LIPA: variants seen among roughly 807,000 people sequenced by gnomAD.
LIPA encodes the protein lipase A, lysosomal acid type, also known as lysosomal acid lipase/cholesteryl ester hydrolase.
Under a neutral mutation model 40.6 loss-of-function variants are expected in LIPA, and 26 were observed. The observed-to-expected ratio is 0.64, with a 90% CI of 0.47 to 0.89. LIPA has a LOEUF of 0.89. Ranked by LOEUF, LIPA falls within the 40% of genes least tolerant of loss-of-function variation. The probability of loss-of-function intolerance (pLI) is 0.00; values close to 1 mark genes in which losing one functional copy is unlikely to be tolerated. For missense variants in LIPA, 455 were observed against 479.6 expected, an observed-to-expected ratio of 0.95 and a Z score of 0.48; for synonymous variants, 188 against 168.4, an observed-to-expected ratio of 1.12 and a Z score of -0.90.
intron 1 of LIPA, among the ~76,000 whole-genome samples, chr10:89,289,796 C>CTTTACT (rs1214563688): frequency 4.6e-5 from 7 of 152,302 alleles, no homozygotes; most frequent in Admixed American, 1.3e-4. Context: ...AAGTCCTATT[C>CTTTACT]TTTACTTTTA....
chr10:89,387,714 T>C (rs1257943003), intron 2 of LIPA, among the ~76,000 whole-genome samples: 2 of 152,184 alleles, frequency 1.3e-5, no homozygotes, highest in African/African-American at 4.8e-5. Flanking sequence ...AGCTAAATGT[T>C]TTATCAATTA....
chr10:89,330,743 C>T (rs1020130715), intron 1 of LIPA, among the ~76,000 whole-genome samples: 1 of 92,592 alleles, frequency 1.1e-5, no homozygotes, highest in Non-Finnish European at 1.9e-5. Context: ...GGTTTTCTTC[C>T]CTTCACTCAA....
chr10:89,293,534 G>A (rs1311182292), intron 1 of LIPA: 1 of 152,056 alleles, frequency 6.6e-6, no homozygotes, highest in Non-Finnish European at 1.5e-5. Context: ...AAAAATCACA[G>A]ACTAGGTGGC....
At chr10:89,249,868 G>A (rs1356375371) in intron 1 of LIPA, among the ~76,000 whole-genome samples, 1 of 152,130 alleles carries the variant, frequency 6.6e-6, no homozygotes, top group East Asian at 1.9e-4. Context: ...TTGTACAATT[G>A]AAATATGCCA....
chr10:89,310,944 T>C (rs1888922), intron 1 of LIPA, among the ~76,000 whole-genome samples: 17,764 of 152,228 alleles, frequency 0.12, 1,413 homozygotes, highest in Middle Eastern at 0.18. Flanking sequence ...TAAAAATATA[T>C]AGTAAATTCT....
intron 1 of LIPA, among the ~76,000 whole-genome samples, chr10:89,287,854 G>A (rs1242820140): frequency 6.6e-6 from 1 of 152,090 alleles, no homozygotes; most frequent in African/African-American, 2.4e-5. Context: ...CAACCAAATT[G>A]TTTTGCCTAT....
At chr10:89,392,541 A>T in intron 2 of LIPA, 2 of 318,750 alleles carry the variant, frequency 6.3e-6, no homozygotes. Flanking sequence ...CTAGGTTTCC[A>T]ACTTGCAAGG....
At chr10:89,287,070 G>T (rs145346637) in intron 1 of LIPA, among the ~76,000 whole-genome samples, 4,988 of 152,282 alleles carry the variant, frequency 0.033, 308 homozygotes, top group African/African-American at 0.11. Flanking sequence ...AAATCAGACT[G>T]TCCAGCTCAC....
chr10:89,226,347 T>C (rs1026436190), intron 5 of LIPA, among the ~76,000 whole-genome samples: 1 of 152,236 alleles, frequency 6.6e-6, no homozygotes, highest in Non-Finnish European at 1.5e-5. Flanking sequence ...AAATAAATTA[T>C]AGGACAGGTT....
intron 2 of LIPA, among the ~76,000 whole-genome samples, chr10:89,412,468 T>C (rs1043941096): frequency 2.0e-5 from 3 of 152,094 alleles, no homozygotes; most frequent in Non-Finnish European, 4.4e-5. Flanking sequence ...ATCAGCAGGA[T>C]ATGGGTGGAG....
At chr10:89,394,624 AT>A in intron 2 of LIPA, among the ~76,000 whole-genome samples, 1 of 25,262 alleles carries the variant, frequency 4.0e-5, no homozygotes, top group Non-Finnish European at 6.2e-5. Context: ...ATATATATAT[AT>A]ATAAAACTTG....
intron 1 of LIPA, among the ~76,000 whole-genome samples, chr10:89,274,295 C>T (rs183057545): frequency 6.6e-6 from 1 of 152,190 alleles, no homozygotes; most frequent in African/African-American, 2.4e-5. Flanking sequence ...AGGAAACTCA[C>T]CTTTTAATGT....
intron 2 of LIPA, among the ~76,000 whole-genome samples, chr10:89,370,135 T>C (rs1844083692): frequency 6.6e-6 from 1 of 152,222 alleles, no homozygotes; most frequent in Non-Finnish European, 1.5e-5. Flanking sequence ...AAAACTCAGT[T>C]CTTCAGATGC....
intron 2 of LIPA, among the ~76,000 whole-genome samples, chr10:89,396,400 A>AGGGCTTTGGTGC (rs1844343332): frequency 6.6e-6 from 1 of 152,218 alleles, no homozygotes; most frequent in Admixed American, 6.5e-5. Flanking sequence ...GCTTCTGGTG[A>AGGGCTTTGGTGC]GGGCTTTGGT....
chr10:89,336,844 G>A (rs12250332), intron 1 of LIPA, among the ~76,000 whole-genome samples: 45 of 152,272 alleles, frequency 3.0e-4, no homozygotes, highest in African/African-American at 6.7e-4. Flanking sequence ...TTATGGTGCC[G>A]TGACTCCACT....
intron 1 of LIPA, among the ~76,000 whole-genome samples, chr10:89,292,737 C>T (rs1192996264): frequency 6.6e-6 from 1 of 152,078 alleles, no homozygotes; most frequent in Non-Finnish European, 1.5e-5. Context: ...TGGTTCACTG[C>T]AGCCTCAAAC....
At chr10:89,402,900 G>C in intron 2 of LIPA, 2 of 1,614,182 alleles carry the variant, frequency 1.2e-6, no homozygotes, top group Non-Finnish European at 1.7e-6. Flanking sequence ...CCTAAGGCAG[G>C]CTGTCCGCTT....
chr10:89,381,960 G>A (rs1007698684), intron 2 of LIPA, among the ~76,000 whole-genome samples: 6 of 151,966 alleles, frequency 3.9e-5, no homozygotes, highest in Middle Eastern at 3.4e-3. Flanking sequence ...AGTAGAGATG[G>A]GGTTTCACCA....
At chr10:89,313,048 A>G (rs529738175) in intron 1 of LIPA, among the ~76,000 whole-genome samples, 2 of 152,300 alleles carry the variant, frequency 1.3e-5, no homozygotes, top group South Asian at 4.2e-4. Context: ...ACTGTCTTAC[A>G]TGTTATTACC....
Sources: gnomAD v4.1 joint callset for allele counts (sites outside exome capture counted in the v4.1 genomes callset) on GRCh38, gnomAD v4.1.1 for gene constraint, MANE v1.5 for transcripts, NCBI Gene and HGNC (gene_info 2026-07-23, HGNC 2026-07-21) for gene names.